Variants in GRK4 observed in about 807,000 individuals in gnomAD.
GRK4 encodes the protein G protein-coupled receptor kinase 4.
GRK4 carries 73 observed loss-of-function variants against 77.9 expected under a neutral mutation model. The observed-to-expected ratio is 0.94, with a 90% confidence interval of 0.78 to 1.14. GRK4 has a LOEUF of 1.14. Ranked by LOEUF, GRK4 falls within the 50% of genes most tolerant of loss-of-function variation. GRK4 has a pLI of 0.00. For missense variants in GRK4, 729 were observed against 700.2 expected (o/e 1.04, Z -0.46); for synonymous variants, 257 against 254.4 (o/e 1.01, Z -0.10).
At chr4:3,018,961 G>T (rs780177769) in intron 8 of GRK4, among the ~76,000 whole-genome samples, 14 of 152,102 alleles carry the variant, frequency 9.2e-5, no homozygotes, top group Non-Finnish European at 1.6e-4. Context: ...AAAGATGCTG[G>T]TTTTCCCTAA....
chr4:2,997,328 C>T (rs1728230538), intron 4 of GRK4, among the ~76,000 whole-genome samples: 2 of 151,988 alleles, frequency 1.3e-5, no homozygotes, highest in Admixed American at 1.3e-4. Flanking sequence ...ATTTAAAAAC[C>T]ACATGATTAT....
At chr4:2,974,552 CAG>C (rs1375488324) in intron 1 of GRK4, among the ~76,000 whole-genome samples, 1 of 152,188 alleles carries the variant, frequency 6.6e-6, no homozygotes, top group Non-Finnish European at 1.5e-5. Flanking sequence ...TGAATAAAAA[CAG>C]ATGAATATCT....
intron 8 of GRK4, among the ~76,000 whole-genome samples, chr4:3,017,531 G>A (rs1734895957): frequency 6.6e-6 from 1 of 152,164 alleles, no homozygotes; most frequent in African/African-American, 2.4e-5. Context: ...ATTCACAAGA[G>A]GAGAGAAAGT....
At chr4:2,965,271 G>C in intron 1 of GRK4, 1 of 703,044 alleles carries the variant, frequency 1.4e-6, no homozygotes, top group Non-Finnish European at 2.6e-6. Flanking sequence ...AAAAGCATCA[G>C]TTGGTCCAGC....
chr4:3,034,411 A>C (rs976067090), intron 12 of GRK4, among the ~76,000 whole-genome samples: 1 of 152,200 alleles, frequency 6.6e-6, no homozygotes, highest in Non-Finnish European at 1.5e-5. Flanking sequence ...CTCTGCCGCT[A>C]TAGTGGAAAA....
At chr4:2,992,414 T>A in intron 4 of GRK4, 122 bp downstream of exon 4, 1 of 611,952 alleles carries the variant, frequency 1.6e-6, no homozygotes, top group Admixed American at 2.4e-5. Flanking sequence ...GTGTGATGCC[T>A]GACGCCTGTA....
rs193105688 is a variant in GRK4, at chr4:2,978,528, T to G, written c.53-5985T>G. Among the ~76,000 whole-genome samples, 284 of 152,332 alleles carry G rather than the reference T, an allele frequency of 1.9e-3. 1 individual carries two copies. The highest frequency in any genetic ancestry group is 6.4e-3 in the African/African-American group (268 of 41,564). ...ACAGGGAGAGGTTCACATAAGCTGC[T>G]TGGAAACAGAGTTCACTGGTTCCAG... On this transcript the variant is annotated intron_variant, in intron 1 of 15. Transcript: ENST00000398052.
Position 2,992,863 on chromosome 4 carries a change from G to A in GRK4, c.339+571G>A, listed in dbSNP as rs187331773. Among the ~76,000 whole-genome samples the A allele has an allele frequency of 3.3e-5, 5 of 151,412 alleles. No homozygotes were observed. The East Asian group carries it at 9.8e-4, about 30-fold the overall frequency. On this transcript the variant is annotated intron_variant, in intron 4 of 15. Coordinates refer to ENST00000398052, the MANE Select transcript of GRK4 (RefSeq NM_182982.3). ...GCTAAGCATGGTGGCGTGCACCTGT[G>A]TTCTCAGCTACTTGGGAGGCTCAGG...
At chr4:3,040,510 A>T in intron 15 of GRK4, 62 bp from the exon 16 acceptor site, 1 of 1,405,828 alleles carries the variant, frequency 7.1e-7, no homozygotes, top group Non-Finnish European at 9.8e-7. Context: ...GGTTGTCTGC[A>T]CTTAAGGAAA....
intron 8 of GRK4, among the ~76,000 whole-genome samples, chr4:3,017,122 C>A (rs1734780159): frequency 6.6e-6 from 1 of 152,230 alleles, no homozygotes; most frequent in African/African-American, 2.4e-5. Flanking sequence ...TAGTCATCCA[C>A]TTTCCTGATT....
chr4:3,001,883 T>C (rs1310789786), intron 4 of GRK4, among the ~76,000 whole-genome samples: 1 of 152,236 alleles, frequency 6.6e-6, no homozygotes. Context: ...TGGAATGCAT[T>C]TCTTGTTTCT....
Position 3,027,940 on chromosome 4 carries a change from G to A in GRK4, c.999G>A (p.Leu333=). 2 of 1,614,102 alleles carry A rather than the reference G, an allele frequency of 1.2e-6. No homozygotes were observed. Among genetic ancestry groups the A allele is most frequent in the Non-Finnish European group, 1.7e-6 (2 of 1,180,024 alleles). Residue 333 remains leucine, a synonymous_variant, in exon 11 of 16, where the codon TTG becomes TTA. Transcript: ENST00000398052. ...RGHIRISDLG[L]ATEIPEGQRV... is the part of the protein sequence containing the mutation. ...ACATCCGGATTTCAGACCTCGGTTT[G>A]GCCACAGAGATCCCAGAAGGACAGA...
intron 7 of GRK4, among the ~76,000 whole-genome samples, chr4:3,013,447 C>G (rs929040698): frequency 1.3e-5 from 2 of 152,114 alleles, no homozygotes; most frequent in African/African-American, 4.8e-5. Flanking sequence ...AAACATTTAC[C>G]GTGATCACCT....
intron 1 of GRK4, among the ~76,000 whole-genome samples, chr4:2,970,047 A>T (rs1045107201): frequency 3.3e-5 from 5 of 152,220 alleles, no homozygotes; most frequent in African/African-American, 1.2e-4. Context: ...AGTATTTCTT[A>T]TCTGTCAGAT....
intron 7 of GRK4, among the ~76,000 whole-genome samples, chr4:3,012,007 T>C (rs1485506374): frequency 6.6e-6 from 1 of 152,204 alleles, no homozygotes; most frequent in Non-Finnish European, 1.5e-5. Flanking sequence ...GCCATCGTGA[T>C]CTCATCTCTA....
At chr4:2,990,028 A>T (rs1236786606) in intron 3 of GRK4, among the ~76,000 whole-genome samples, 3 of 152,126 alleles carry the variant, frequency 2.0e-5, no homozygotes, top group Non-Finnish European at 4.4e-5. Context: ...TGCTTATTAT[A>T]TGTGGACATA....
At chr4:2,986,935 T>C in intron 2 of GRK4, 1 of 318,322 alleles carries the variant, frequency 3.1e-6, no homozygotes, top group Non-Finnish European at 6.3e-6. Flanking sequence ...CTCCACTGAG[T>C]ATTTTAAATA....
At chr4:3,007,469 C>G (rs1328066056) in intron 5 of GRK4, among the ~76,000 whole-genome samples, 2 of 151,880 alleles carry the variant, frequency 1.3e-5, no homozygotes, top group African/African-American at 2.4e-5. Context: ...AAGCATGCTG[C>G]TTGATAACAG....
chr4:2,968,117 A>AT (rs916790119), intron 1 of GRK4, among the ~76,000 whole-genome samples: 6 of 149,658 alleles, frequency 4.0e-5, no homozygotes, highest in Admixed American at 1.3e-4. Context: ...TTAATTTAGG[A>AT]TTTTTTCCCT....
Sources: allele counts gnomAD v4.1 joint callset (sites outside exome capture counted in the v4.1 genomes callset), GRCh38; gene constraint gnomAD v4.1.1; transcripts MANE v1.5; gene names NCBI Gene and HGNC (gene_info 2026-07-23, HGNC 2026-07-21).